The following PUS7L variants were observed in gnomAD, a reference collection of about 807,000 sequenced individuals.
The protein encoded by PUS7L is pseudouridylate synthase PUS7L.
Under a neutral mutation model 51.1 loss-of-function variants are expected in PUS7L, and 49 were observed. The observed-to-expected ratio is 0.96, with a 90% CI of 0.76 to 1.22. The LOEUF is 1.22. Among genes scored for constraint, PUS7L ranks in the 50% most tolerant of loss-of-function variants. The pLI, the probability that PUS7L is intolerant of heterozygous loss-of-function variation, is 0.00. For synonymous variants in PUS7L, 277 were observed against 276.2 expected, an observed-to-expected ratio of 1.00 and a Z score of -0.03; for missense variants, 828 against 820.6, an observed-to-expected ratio of 1.01 and a Z score of -0.11.
intron 4 of PUS7L, among the ~76,000 whole-genome samples, chr12:43,744,060 G>T (rs955899797): frequency 2.6e-5 from 4 of 152,144 alleles, no homozygotes; most frequent in African/African-American, 9.7e-5. Context: ...TGGGAATTTT[G>T]TAATAGGCAG....
rs1054471777 is a variant in PUS7L at position 43,719,502 on chromosome 12, T to C, written c.*10874A>G. 1.4e-5 allele frequency: 2 copies of C among 146,902 alleles called. No homozygotes were observed. The highest frequency in any genetic ancestry group is 5.5e-5 in the African/African-American group (2 of 36,434). 9.1% of individuals were successfully genotyped at this position (146,902 alleles called of 1,614,324 possible). A position where few individuals can be genotyped will look rare whatever the true frequency, so the allele number is the denominator to read the frequency against. ...TAAAGTAAGAAACAGGTGGGGGGACTCTTCTTTATTTTTTCTAATCTCAGG... is the reference window on the plus strand; with the variant it reads ...TAAAGTAAGAAACAGGTGGGGGGACCCTTCTTTATTTTTTCTAATCTCAGG... On this transcript the variant is annotated 3_prime_UTR_variant, in exon 9 of 9. Coordinates refer to ENST00000344862, the MANE Select transcript of PUS7L (RefSeq NM_031292.5).
rs1944368636 is a variant in PUS7L, at chr12:43,719,309, T to A, written c.*11067A>T. ...ATTCAAAATCAGACAAAACTGTGTA[T>A]TTTTTAGGAATGAATACATGGGTGG... On this transcript the variant is annotated 3_prime_UTR_variant, in exon 9 of 9. Transcript: ENST00000344862. The A allele has an allele frequency of 6.6e-6, 1 of 152,178 alleles. No individual in the cohort carries two copies. The highest frequency in any genetic ancestry group is 2.4e-5 in the African/African-American group (1 of 41,446). The allele number at this position is 152,178 out of a possible 1,614,324, so 9.4% of individuals were successfully genotyped here. A position where few individuals can be genotyped will look rare whatever the true frequency, so the allele number is the denominator to read the frequency against.
intron 1 of PUS7L, 112 bp from the exon 2 acceptor site, chr12:43,755,373 T>A: frequency 1.6e-6 from 1 of 635,212 alleles, no homozygotes; most frequent in Non-Finnish European, 2.7e-6. Flanking sequence ...TAATTCTGAG[T>A]CTTCTTAAAT....
At chr12:43,748,735 G>T in intron 2 of PUS7L, 126 bp from the exon 3 acceptor site, 1 of 841,060 alleles carries the variant, frequency 1.2e-6, no homozygotes, top group Non-Finnish European at 1.8e-6. Context: ...TGTTGTTGTT[G>T]TTGTTTTGTG....
intron 1 of PUS7L, chr12:43,758,313 G>A (rs1938949356): frequency 1.0e-6 from 1 of 985,358 alleles, no homozygotes; most frequent in South Asian, 4.7e-5. Context: ...AGCCCACGTG[G>A]CGTTAAGCCT....
chr12:43,734,579 G>C (rs1227821072), intron 7 of PUS7L, among the ~76,000 whole-genome samples: 1 of 152,114 alleles, frequency 6.6e-6, no homozygotes, highest in Non-Finnish European at 1.5e-5. Context: ...GCTTTATGTA[G>C]AGTTCAGAGT....
chr12:43,741,842 A>T (rs1937912230), intron 5 of PUS7L, among the ~76,000 whole-genome samples: 1 of 152,218 alleles, frequency 6.6e-6, no homozygotes, highest in Admixed American at 6.5e-5. Context: ...AGGTGAGTGA[A>T]CGAGATACTA....
chr12:43,751,625 CT>C (rs1412775852), intron 2 of PUS7L, among the ~76,000 whole-genome samples: 1 of 152,074 alleles, frequency 6.6e-6, no homozygotes, highest in Non-Finnish European at 1.5e-5. Context: ...GGTTCCAAGT[CT>C]TTGCTATTCT....
At position 43,724,687 on chromosome 12, in the gene PUS7L, A is replaced by G. The variant is rs1260312117; in HGVS notation, c.*5689T>C. 6.6e-6 allele frequency: 1 copy of G among 152,162 alleles called. No homozygotes were observed. Among genetic ancestry groups the G allele is most frequent in the African/African-American group, 2.4e-5 (1 of 41,452 alleles). 9.4% of individuals were successfully genotyped at this position (152,162 alleles called of 1,614,324 possible). On this transcript the variant is annotated 3_prime_UTR_variant, in exon 9 of 9. Transcript: ENST00000344862. ...TCTACAACAGAATCAGTGGGTTACT[A>G]AAGTCGCATATTAAAGCAGTGGTAG...
intron 6 of PUS7L, among the ~76,000 whole-genome samples, chr12:43,737,068 C>T (rs1227012011): frequency 2.6e-5 from 4 of 152,106 alleles, no homozygotes; most frequent in African/African-American, 4.8e-5. Context: ...TGGACATAAA[C>T]ACAGAATTTT....
intron 7 of PUS7L, among the ~76,000 whole-genome samples, chr12:43,733,186 A>ACAC (rs918116396): frequency 6.6e-6 from 1 of 152,070 alleles, no homozygotes; most frequent in African/African-American, 2.4e-5. Context: ...ACACACACAC[A>ACAC]AAGAAAAGTT....
In PUS7L at chr12:43,748,584, C is replaced by T; in HGVS notation, c.936G>A (p.Leu312=). The T allele has an allele frequency of 1.3e-6, 2 of 1,589,458 alleles. No individual in the cohort carries two copies. The highest frequency in any genetic ancestry group is 1.7e-6 in the Non-Finnish European group (2 of 1,173,824). ...AAAAACCAATCGCTTCAAACATTTC[C>T]AGGTTTTCCTTTCGTAGGGTAAAAG... ...YTAFTLRKEN[L]EMFEAIGFLA... Residue 312 remains leucine (L), a synonymous_variant, in exon 3 of 9, where the codon CTG becomes CTA. Coordinates refer to ENST00000344862, the MANE Select transcript of PUS7L (RefSeq NM_031292.5).
Position 43,720,276 on chromosome 12 carries a change from G to A in PUS7L, c.*10100C>T, listed in dbSNP as rs1000891984. On this transcript the variant is annotated 3_prime_UTR_variant, in exon 9 of 9. Coordinates refer to ENST00000344862, the MANE Select transcript of PUS7L (RefSeq NM_031292.5). Reference sequence around the variant, plus strand: ...AGGCTGGCAGATCATTTGAGGTCAGGAGTTTGAGACCAGCATGGCCAACAT... The same window carrying A: ...AGGCTGGCAGATCATTTGAGGTCAGAAGTTTGAGACCAGCATGGCCAACAT... The A allele has an allele frequency of 1.3e-5, 2 of 152,192 alleles. No homozygotes were observed. The highest frequency in any genetic ancestry group is 6.6e-5 in the Admixed American group (1 of 15,264). 9.4% of individuals were successfully genotyped at this position (152,192 alleles called of 1,614,324 possible).
At chr12:43,757,769 C>T (rs917813127) in intron 1 of PUS7L, among the ~76,000 whole-genome samples, 1 of 152,132 alleles carries the variant, frequency 6.6e-6, no homozygotes, top group African/African-American at 2.4e-5. Context: ...CATCTAAGTC[C>T]TCCATAGTTC....
intron 2 of PUS7L, among the ~76,000 whole-genome samples, chr12:43,752,726 G>A (rs1385560755): frequency 6.6e-6 from 1 of 152,108 alleles, no homozygotes; most frequent in African/African-American, 2.4e-5. Flanking sequence ...CCATTTTTCA[G>A]AACTGGAGAG....
At chr12:43,747,749 GTCTA>G in intron 3 of PUS7L, among the ~76,000 whole-genome samples, 1 of 152,278 alleles carries the variant, frequency 6.6e-6, no homozygotes, top group South Asian at 2.1e-4. Context: ...TCTGAAAAAG[GTCTA>G]GAGAGAAACA....
chr12:43,755,897 T>G (rs1938677160), intron 1 of PUS7L, among the ~76,000 whole-genome samples: 1 of 152,240 alleles, frequency 6.6e-6, no homozygotes, highest in Non-Finnish European at 1.5e-5. Flanking sequence ...ATCATTGGCA[T>G]CAGACAGAAG....
In PUS7L at chr12:43,754,794, T is replaced by C; in HGVS notation, c.452A>G (p.Lys151Arg). The C allele has an allele frequency of 6.2e-7, 1 of 1,613,972 alleles. No individual in the cohort carries two copies. The highest frequency in any genetic ancestry group is 8.5e-7 in the Non-Finnish European group (1 of 1,179,920). The change falls in exon 2 of 9, where the codon AAA becomes AGA. Residue 151 changes from lysine to arginine, a missense_variant. Lys to Arg is a conservative substitution (Grantham distance 26). Transcript: ENST00000344862. ...ACDVREKWLS[K>R]TELIGLPPEF... is the part of the protein sequence containing the mutation. ...AGGAGGTAGTCCAATTAGCTCTGTT[T>C]TAGAAAGCCACTTCTCTCTTACATC...
Position 43,723,436 on chromosome 12 carries a change from T to C in PUS7L, c.*6940A>G, listed in dbSNP as rs1944419933. ...GCTTAGAAATGCTAAATAAGTATCA[T>C]TTAAGGATTTAGAATGGAGTGCTGA... On this transcript the variant is annotated 3_prime_UTR_variant, in exon 9 of 9. Coordinates refer to ENST00000344862, the MANE Select transcript of PUS7L (RefSeq NM_031292.5). 6.6e-6 allele frequency: 1 copy of C among 152,122 alleles called. No individual in the cohort carries two copies. Among genetic ancestry groups the C allele is most frequent in the Non-Finnish European group, 1.5e-5 (1 of 67,962 alleles). The allele number at this position is 152,122 out of a possible 1,614,324, so 9.4% of individuals were successfully genotyped here.
Sources: gnomAD v4.1 joint callset for allele counts (sites outside exome capture counted in the v4.1 genomes callset) on GRCh38, gnomAD v4.1.1 for gene constraint, MANE v1.5 for transcripts, NCBI Gene and HGNC (gene_info 2026-07-23, HGNC 2026-07-21) for gene names.